Variants in ERBB2 observed in about 807,000 individuals in gnomAD.
The protein encoded by ERBB2 is receptor tyrosine-protein kinase erbB-2.
In ERBB2, 61 loss-of-function variants were observed where a neutral mutation model predicts 149.0. That is an observed-to-expected ratio of 0.41 (90% confidence interval 0.33 to 0.51). The LOEUF is 0.51. Ranked by LOEUF, ERBB2 falls within the 20% of genes least tolerant of loss-of-function variation. The pLI is 0.25. For synonymous variants in ERBB2, 633 were observed against 678.8 expected (o/e 0.93, Z 1.05); for missense variants, 1,205 against 1,655.1 (o/e 0.73, Z 4.72).
At position 39,728,277 on chromosome 17, in the gene ERBB2, C is replaced by T. The variant is rs954834676; in HGVS notation, c.*233C>T. 1.5e-5 allele frequency: 7 copies of T among 458,658 alleles called. No individual in the cohort carries two copies. Among genetic ancestry groups the T allele is most frequent in the African/African-American group, 1.3e-4 (7 of 52,004 alleles). The allele number at this position is 458,658 out of a possible 1,614,324, so 28.4% of individuals were successfully genotyped here. On this transcript the variant is annotated 3_prime_UTR_variant, in exon 27 of 27. Coordinates refer to ENST00000269571, the MANE Select transcript of ERBB2 (RefSeq NM_004448.4). ...TGGGGAGTCTTTGTGGATTCTGAGG[C>T]CCTGCCCAATGAGACTCTAGGGTCC...
rs2145849318 is a variant in ERBB2 at position 39,724,782 on chromosome 17, C to T, written c.2364C>T (p.Ile788=). 6.2e-7 allele frequency: 1 copy of T among 1,614,248 alleles called. No homozygotes were observed. Among genetic ancestry groups the T allele is most frequent in the Non-Finnish European group, 8.5e-7 (1 of 1,180,056 alleles). ...CATATGTCTCCCGCCTTCTGGGCATCTGCCTGACATCCACGGTGCAGCTGG... is the reference window on the plus strand; with the variant it reads ...CATATGTCTCCCGCCTTCTGGGCATTTGCCTGACATCCACGGTGCAGCTGG... ...GSPYVSRLLG[I]CLTSTVQLVT... The change falls in exon 20 of 27, where the codon ATC becomes ATT. Residue 788 remains isoleucine, a synonymous_variant. Transcript: ENST00000269571.
intron 16 of ERBB2, chr17:39,720,299 G>T: frequency 6.1e-6 from 1 of 164,356 alleles, no homozygotes; most frequent in Non-Finnish European, 1.3e-5. Flanking sequence ...TGGAGGGGGA[G>T]GCATCAGGAA....
In ERBB2 at chr17:39,719,791, G is replaced by A. The variant is rs2145747623; in HGVS notation, c.1903G>A (p.Val635Met). 1 of 1,614,178 alleles carries A rather than the reference G, an allele frequency of 6.2e-7. No homozygotes were observed. The highest frequency in any genetic ancestry group is 8.5e-7 in the Non-Finnish European group (1 of 1,180,004). Residue 635 changes from valine (V) to methionine (M), a missense_variant, in exon 16 of 27, where the codon GTG becomes ATG. By Grantham distance (21) the Val-to-Met change is conservative. Coordinates refer to ENST00000269571, the MANE Select transcript of ERBB2 (RefSeq NM_004448.4). ...ATGAGACTGTTTCTCCTGCAGCTGT[G>A]TGGACCTGGATGACAAGGGCTGCCC... Reference protein sequence around the residue: ...PCPINCTHSCVDLDDKGCPAE... With the variant: ...PCPINCTHSCMDLDDKGCPAE...
chr17:39,695,733 A>ACACACACACACACACACACACACC (rs2057847265), upstream of ERBB2, among the ~76,000 whole-genome samples: 1 of 150,804 alleles, frequency 6.6e-6, no homozygotes, highest in East Asian at 2.0e-4. Context: ...ACACACACAC[A>ACACACACACACACACACACACACC]CACACACACA....
chr17:39,700,777 C>A (rs1190161264), intron 1 of ERBB2, among the ~76,000 whole-genome samples: 1 of 152,088 alleles, frequency 6.6e-6, no homozygotes, highest in Non-Finnish European at 1.5e-5. Context: ...CGCTCCCCTT[C>A]AGACGATTTT....
chr17:39,691,878 T>TATAG (rs2057711695), upstream of ERBB2, among the ~76,000 whole-genome samples: 3 of 129,224 alleles, frequency 2.3e-5, no homozygotes, highest in South Asian at 7.3e-4. Context: ...TAGATATAGA[T>TATAG]ATAGATATAG....
upstream of ERBB2, among the ~76,000 whole-genome samples, chr17:39,692,852 C>T (rs1386146864): frequency 6.6e-6 from 1 of 151,908 alleles, no homozygotes; most frequent in Non-Finnish European, 1.5e-5. Context: ...CACCTGAGGT[C>T]AGGAGTTCAA....
chr17:39,710,750 TC>T (rs1289243715), intron 7 of ERBB2, among the ~76,000 whole-genome samples: 1 of 152,214 alleles, frequency 6.6e-6, no homozygotes, highest in Non-Finnish European at 1.5e-5. Context: ...TGCCTCAGTT[TC>T]CTCATCAGTA....
At chr17:39,689,459 T>C (rs1391165257) in intron 2 of ERBB2, among the ~76,000 whole-genome samples, 1 of 152,238 alleles carries the variant, frequency 6.6e-6, no homozygotes, top group Non-Finnish European at 1.5e-5. Flanking sequence ...GATTAGTTCT[T>C]TTACAATACT....
At position 39,716,407 on chromosome 17, in the gene ERBB2, C is replaced by T. The variant is rs371585581; in HGVS notation, c.1620C>T (p.Cys540=). 6.5e-5 allele frequency: 104 copies of T among 1,608,982 alleles called. No homozygotes were observed. The highest frequency in any genetic ancestry group is 5.0e-4 in the Middle Eastern group (3 of 6,018). ...NCSQFLRGQE[C]VEECRVLQGL... ...GCCAGTTCCTTCGGGGCCAGGAGTG[C>T]GTGGAGGAATGCCGAGTACTGCAGG... The change falls in exon 13 of 27, where the codon TGC becomes TGT. Residue 540 remains cysteine (C), a synonymous_variant. Transcript: ENST00000269571.
At chr17:39,695,701 G>GCAGACA (rs1226871960), upstream of ERBB2, among the ~76,000 whole-genome samples, 1 of 41,812 alleles carries the variant, frequency 2.4e-5, no homozygotes. Flanking sequence ...TTTGGTGCAT[G>GCAGACA]CATACACACA....
At chr17:39,703,670 C>G (rs1597855149) in intron 1 of ERBB2, among the ~76,000 whole-genome samples, 1 of 152,178 alleles carries the variant, frequency 6.6e-6, no homozygotes, top group East Asian at 1.9e-4. Flanking sequence ...TAGCTTCTGC[C>G]CTGGAGGTCT....
intron 4 of ERBB2, 152 bp downstream of exon 4, chr17:39,709,604 G>T: frequency 1.0e-6 from 1 of 994,726 alleles, no homozygotes. Flanking sequence ...ATCTCCCTGT[G>T]CCTCTTCATC....
rs2059197084 is a variant in ERBB2 at position 39,717,404 on chromosome 17, C to T, written c.1822C>T (p.Leu608Phe). The T allele has an allele frequency of 1.2e-6, 2 of 1,613,196 alleles. No homozygotes were observed. The highest frequency in any genetic ancestry group is 1.1e-5 in the South Asian group (1 of 91,036). The change falls in exon 15 of 27, where the codon CTC (leucine) becomes TTC (phenylalanine). Residue 608 changes from leucine (L) to phenylalanine (F), a missense_variant. Leu to Phe is a conservative substitution (Grantham distance 22). Around this residue, in one of 6 missense-constraint regions of ERBB2, gnomAD observed 569 missense variants for 803.5 expected, o/e 0.71. Coordinates refer to ENST00000269571, the MANE Select transcript of ERBB2 (RefSeq NM_004448.4). ...CTGCCCCAGCGGTGTGAAACCTGAC[C>T]TCTCCTACATGCCCATCTGGAAGTT... ...ARCPSGVKPD[L>F]SYMPIWKFPD... is the part of the protein sequence containing the mutation.
Position 39,723,628 on chromosome 17 carries a change from CTTGGATCTGG to C in ERBB2, c.2177_2186del (p.Leu726ProfsTer18). On this transcript the variant is annotated frameshift_variant, in exon 18 of 27. Coordinates refer to ENST00000269571, the MANE Select transcript of ERBB2 (RefSeq NM_004448.4). LOFTEE classifies it high-confidence loss of function. The surrounding 1 kb of genome is among the most constrained non-coding windows in gnomAD (Gnocchi z 6.2). Reference sequence around the variant, plus strand: ...GACGGAGCTGAGGAAGGTGAAGGTGCTTGGATCTGGCGCTTTTGGCACAGTCTACAAGGTC... The same window carrying C: ...GACGGAGCTGAGGAAGGTGAAGGTGCCGCTTTTGGCACAGTCTACAAGGTC... 1 of 1,605,848 alleles carries C rather than the reference CTTGGATCTGG, an allele frequency of 6.2e-7. No individual in the cohort carries two copies. The highest frequency in any genetic ancestry group is 1.1e-5 in the South Asian group (1 of 89,704).
At chr17:39,714,892 C>A (rs2059027476) in intron 9 of ERBB2, among the ~76,000 whole-genome samples, 2 of 151,434 alleles carry the variant, frequency 1.3e-5, no homozygotes, top group South Asian at 4.2e-4. Context: ...GCCTCAGCCT[C>A]TCGAGTAACT....
upstream of ERBB2, among the ~76,000 whole-genome samples, chr17:39,692,509 G>A (rs371707194): frequency 1.3e-3 from 202 of 151,358 alleles, 7 homozygotes; most frequent in South Asian, 0.041. Context: ...AGGTTCAAGC[G>A]ATTCTGCTGC....
upstream of ERBB2, among the ~76,000 whole-genome samples, chr17:39,699,124 C>T (rs1436033870): frequency 1.3e-5 from 2 of 151,962 alleles, no homozygotes; most frequent in Non-Finnish European, 2.9e-5. Flanking sequence ...CTGGGTGCCT[C>T]CTTAAATAAG....
chr17:39,706,956 A>G (rs2058478806), intron 1 of ERBB2, 34 bp from the exon 2 acceptor site: 3 of 1,489,468 alleles, frequency 2.0e-6, no homozygotes, highest in Non-Finnish European at 1.8e-6. Context: ...GTCCCCCGCC[A>G]GTGTCCTCTG....
Sources: gnomAD v4.1 joint callset for allele counts (sites outside exome capture counted in the v4.1 genomes callset) on GRCh38, gnomAD v4.1.1 for gene constraint, gnomAD v4.1.1 regional missense constraint, Gnocchi (gnomAD v3.1) non-coding constraint, MANE v1.5 for transcripts, NCBI Gene and HGNC (gene_info 2026-07-23, HGNC 2026-07-21) for gene names.